The following NEB variants were observed in gnomAD, a reference collection of about 807,000 sequenced individuals.
The protein encoded by NEB is nemaline myopathy type 2.
NEB carries 512 observed loss-of-function variants against 952.2 expected under a neutral mutation model. The ratio of observed to expected loss-of-function variants is 0.54; its 90% confidence interval spans 0.50 to 0.58. The LOEUF (loss-of-function observed/expected upper bound fraction) is 0.58. Ranked by LOEUF, NEB falls within the 20% of genes least tolerant of loss-of-function variation. NEB has a pLI of 0.00. For missense variants in NEB, 8,428 were observed against 9,231.1 expected, an observed-to-expected ratio of 0.91 and a Z score of 3.56; for synonymous variants, 2,900 against 3,149.8, an observed-to-expected ratio of 0.92 and a Z score of 2.66.
chr2:151,686,622 T>C (rs2099501370), intron 27 of NEB, among the ~76,000 whole-genome samples: 1 of 152,200 alleles, frequency 6.6e-6, no homozygotes. Flanking sequence ...TAAAGAGGTA[T>C]GTATAGATCA....
intron 18 of NEB, among the ~76,000 whole-genome samples, chr2:151,695,189 A>G (rs2099587250): frequency 1.3e-5 from 2 of 152,194 alleles, no homozygotes; most frequent in Admixed American, 1.3e-4. Flanking sequence ...AAGTTCTCAT[A>G]TATGTAGAAA....
chr2:151,500,689 TAGGGTTC>T (rs1179281967), intron 168 of NEB, among the ~76,000 whole-genome samples: 1 of 148,674 alleles, frequency 6.7e-6, no homozygotes, highest in East Asian at 2.0e-4. Flanking sequence ...CTTGACTTCC[TAGGGTTC>T]AGATGAACCT....
At chr2:151,533,769 G>A (rs147071904) in intron 142 of NEB, among the ~76,000 whole-genome samples, 1 of 152,208 alleles carries the variant, frequency 6.6e-6, no homozygotes, top group Non-Finnish European at 1.5e-5. Flanking sequence ...GAATGATACA[G>A]CTAGTTTCAC....
chr2:151,496,462 AAC>A (rs1455408452), intron 172 of NEB, 94 bp from the exon 173 acceptor site: 22 of 1,479,010 alleles, frequency 1.5e-5, no homozygotes, highest in South Asian at 2.6e-5. Context: ...TTGTTAAGAA[AAC>A]ACAGTCGTCC....
At chr2:151,513,718 A>G (rs535373507) in intron 159 of NEB, 25 bp from the exon 160 acceptor site, 1 of 1,496,258 alleles carries the variant, frequency 6.7e-7, no homozygotes, top group African/African-American at 1.4e-5. Flanking sequence ...AAAGAAAAAA[A>G]AAAGGTACCT....
In NEB at chr2:151,538,221, T is replaced by C. The variant is rs2093499957; in HGVS notation, c.20916A>G (p.Gln6972=). The C allele has an allele frequency of 1.3e-5, 21 of 1,612,794 alleles. No individual in the cohort carries two copies. Among genetic ancestry groups the C allele is most frequent in the Non-Finnish European group, 1.7e-5 (20 of 1,178,938 alleles). The change falls in exon 139 of 182, where the codon CAA becomes CAG. Residue 6972 remains glutamine, a synonymous_variant. Coordinates refer to ENST00000397345, the MANE Select transcript of NEB (RefSeq NM_001164508.2). ...ASDLRYKETF[Q]KTKGKYHTVK... Reference sequence around the variant, plus strand: ...CCGTGTGGTATTTCCCTTTGGTCTTTTGAAATGTTTCTTTGTAGCGTAGCT... The same window carrying C: ...CCGTGTGGTATTTCCCTTTGGTCTTCTGAAATGTTTCTTTGTAGCGTAGCT...
At chr2:151,708,358 C>T (rs2149952825) in intron 12 of NEB, among the ~76,000 whole-genome samples, 1 of 152,286 alleles carries the variant, frequency 6.6e-6, no homozygotes, top group Admixed American at 6.5e-5. Context: ...CCTCTCTAAG[C>T]AGACTCCACC....
intron 63 of NEB, among the ~76,000 whole-genome samples, chr2:151,637,359 G>A (rs1368669118): frequency 6.6e-6 from 1 of 152,190 alleles, no homozygotes. Context: ...GGAAGCGGAG[G>A]GGTGTTGAAG....
At position 151,616,028 on chromosome 2, in the gene NEB, T is replaced by A; in HGVS notation, c.11263A>T (p.Lys3755Ter). 8 of 1,612,992 alleles carry A rather than the reference T, an allele frequency of 5.0e-6. No individual in the cohort carries two copies. Among genetic ancestry groups the A allele is most frequent in the Non-Finnish European group, 6.8e-6 (8 of 1,179,512 alleles). Residue 3755 changes from lysine to a stop codon, truncating the protein, a stop_gained, in exon 76 of 182, where the codon AAG becomes TAG. Transcript: ENST00000397345. LOFTEE classifies it high-confidence loss of function. Reference protein sequence around the residue: ...RLDAIPIQAAKASRDIASDYK... With the variant: ...RLDAIPIQAA The stretch of plus-strand genomic sequence containing the variant: ...TCACTAGCAATATCTCTTGAAGCCT[T>A]GGCTGCTTGGATTGGAATGGCATCC...
intron 107 of NEB, 81 bp downstream of exon 107, chr2:151,575,614 T>C: frequency 9.9e-7 from 1 of 1,008,644 alleles, no homozygotes; most frequent in Non-Finnish European, 1.5e-6. Flanking sequence ...ACCGAGTCCA[T>C]CTTCCCTCCC....
At position 151,552,787 on chromosome 2, in the gene NEB, G is replaced by T; in HGVS notation, c.19732-11C>A. 6.3e-7 allele frequency: 1 copy of T among 1,597,038 alleles called. No individual in the cohort carries two copies. Among genetic ancestry groups the T allele is most frequent in the Non-Finnish European group, 8.6e-7 (1 of 1,167,168 alleles). ...AGCTTTATACTTGATCTGCCGAGAG[G>T]AAGAAAACAAGCCCATGTTGGACCA... On this transcript the variant is annotated splice_polypyrimidine_tract_variant and intron_variant, in intron 127 of 181. Transcript: ENST00000397345.
chr2:151,488,433 G>A (rs1214388111), intron 181 of NEB, among the ~76,000 whole-genome samples: 1 of 150,142 alleles, frequency 6.7e-6, no homozygotes, highest in Non-Finnish European at 1.5e-5. Flanking sequence ...GAGGGCTTGA[G>A]CCTAGGGGTT....
chr2:151,485,857 A>T lies in NEB; in HGVS notation c.25481T>A (p.Ile8494Lys). The change falls in exon 182 of 182, where the codon ATA (isoleucine) becomes AAA (lysine). Residue 8494 changes from isoleucine to lysine, a missense_variant. By Grantham distance (102) the Ile-to-Lys change is moderately radical. This residue lies in a region of NEB where 3,374 missense variants were observed against 3,651.5 expected (regional missense o/e 0.92). Coordinates refer to ENST00000397345, the MANE Select transcript of NEB (RefSeq NM_001164508.2). ...GCCTTCATCAATTGCTTGAACATTT[A>T]TGATGGCATCTCCATCCTTGAAGGA... ...EVSFKDGDAIINVQAIDEGWM... is the reference protein window; with the variant it reads ...EVSFKDGDAIKNVQAIDEGWM... 1.9e-6 allele frequency: 3 copies of T among 1,614,056 alleles called. No homozygotes were observed. The highest frequency in any genetic ancestry group is 2.5e-6 in the Non-Finnish European group (3 of 1,179,888).
At position 151,657,929 on chromosome 2, in the gene NEB, T is replaced by C. The variant is rs555514418; in HGVS notation, c.6183+54A>G. On this transcript the variant is annotated intron_variant, in intron 48 of 181. Coordinates refer to ENST00000397345, the MANE Select transcript of NEB (RefSeq NM_001164508.2). ...CAGTGTTTCCAGAACTCAGCCCTTA[T>C]TATTTCGGTTCCTTAGAAACCCCCA... 32 of 1,260,760 alleles carry C rather than the reference T, an allele frequency of 2.5e-5. No homozygotes were observed. In the South Asian group the frequency reaches 3.7e-4, roughly 15 times the overall value. 78.1% of individuals were successfully genotyped at this position (1,260,760 alleles called of 1,614,324 possible).
chr2:151,728,582 C>T (rs2099797534), intron 4 of NEB, among the ~76,000 whole-genome samples: 1 of 152,132 alleles, frequency 6.6e-6, no homozygotes, highest in Non-Finnish European at 1.5e-5. Flanking sequence ...ATTATCCTCA[C>T]AACAGTCCTA....
At chr2:151,572,770 C>T (rs1353109550) in intron 107 of NEB, among the ~76,000 whole-genome samples, 4 of 150,138 alleles carry the variant, frequency 2.7e-5, no homozygotes, top group African/African-American at 9.8e-5. Context: ...AGGCTGGTCT[C>T]GAACTCTGGC....
intron 133 of NEB, 122 bp from the exon 134 acceptor site, chr2:151,546,565 T>TG: frequency 1.6e-6 from 1 of 610,530 alleles, no homozygotes; most frequent in Non-Finnish European, 2.8e-6. Context: ...TACTTTTTTT[T>TG]TTTTTTTTTT....
intron 180 of NEB, 140 bp from the exon 181 acceptor site, chr2:151,490,217 T>A: frequency 8.5e-7 from 1 of 1,173,028 alleles, no homozygotes; most frequent in Non-Finnish European, 1.2e-6. Context: ...ATGAAACATC[T>A]AACTTCATGC....
chr2:151,544,297 T>C (rs1438959451), intron 135 of NEB, among the ~76,000 whole-genome samples: 1 of 152,218 alleles, frequency 6.6e-6, no homozygotes, highest in African/African-American at 2.4e-5. Flanking sequence ...CAGAGTTATC[T>C]TTACTCTGAA....
Sources: gnomAD v4.1 joint callset for allele counts (sites outside exome capture counted in the v4.1 genomes callset) on GRCh38, gnomAD v4.1.1 for gene constraint, gnomAD v4.1.1 regional missense constraint, MANE v1.5 for transcripts, NCBI Gene and HGNC (gene_info 2026-07-23, HGNC 2026-07-21) for gene names.